BTBD10: variants seen among roughly 807,000 people sequenced by gnomAD.
BTBD10 encodes BTB domain containing 10.
Under a neutral mutation model 53.2 loss-of-function variants are expected in BTBD10, and 21 were observed. The ratio of observed to expected loss-of-function variants is 0.39; its 90% CI spans 0.28 to 0.57. The LOEUF is 0.57. Ranked by LOEUF, BTBD10 falls within the 20% of genes least tolerant of loss-of-function variation. BTBD10 has a pLI of 0.53. For synonymous variants in BTBD10, 149 were observed against 192.7 expected, an observed-to-expected ratio of 0.77 and a Z score of 1.88; for missense variants, 360 against 594.7, an observed-to-expected ratio of 0.61 and a Z score of 4.10.
In BTBD10 at chr11:13,421,806, T is replaced by G; in HGVS notation, c.134A>C (p.Asp45Ala). ...ACCATGTAGACTCATTTTGGTGTGG[T>G]CAACTCCTCCTTTAGCAATACGCGA... Reference protein sequence around the residue: ...TSSRIAKGGVDHTKMSLHGAS... With the variant: ...TSSRIAKGGVAHTKMSLHGAS... The change falls in exon 3 of 9, where the codon GAC becomes GCC. Residue 45 changes from aspartate (D) to alanine (A), a missense_variant. Asp to Ala is a moderately radical substitution (Grantham distance 126). Around this residue, in one of 6 missense-constraint regions of BTBD10, gnomAD observed 81 missense variants for 82.6 expected, o/e 0.98. Transcript: ENST00000278174. 1.2e-6 allele frequency: 2 copies of G among 1,613,552 alleles called. No homozygotes were observed. The highest frequency in any genetic ancestry group is 3.3e-5 in the Admixed American group (2 of 59,972).
chr11:13,436,047 C>T (rs1293282823), intron 2 of BTBD10, among the ~76,000 whole-genome samples: 1 of 152,138 alleles, frequency 6.6e-6, no homozygotes, highest in African/African-American at 2.4e-5. Flanking sequence ...AAACACAGAA[C>T]CTAAGTTTAG....
intron 6 of BTBD10, among the ~76,000 whole-genome samples, chr11:13,406,376 T>C (rs988759670): frequency 1.3e-5 from 2 of 152,150 alleles, no homozygotes; most frequent in Non-Finnish European, 2.9e-5. Context: ...ACAGACATAA[T>C]GAACAACTTC....
chr11:13,461,183 A>G (rs1187467073), intron 1 of BTBD10, among the ~76,000 whole-genome samples: 1 of 152,206 alleles, frequency 6.6e-6, no homozygotes, highest in African/African-American at 2.4e-5. Flanking sequence ...ATTTTGATTT[A>G]TAACAGAGCT....
chr11:13,396,412 G>GT (rs1949552926), intron 8 of BTBD10, among the ~76,000 whole-genome samples: 1 of 152,336 alleles, frequency 6.6e-6, no homozygotes, highest in South Asian at 2.1e-4. Flanking sequence ...CTTTGCTGAA[G>GT]TTGCTTATCA....
At chr11:13,436,944 A>C (rs187107640) in intron 2 of BTBD10, among the ~76,000 whole-genome samples, 1 of 152,028 alleles carries the variant, frequency 6.6e-6, no homozygotes, top group Non-Finnish European at 1.5e-5. Context: ...CAACATGCCC[A>C]GCTAATTTTT....
chr11:13,452,672 C>T (rs979503719), intron 1 of BTBD10, among the ~76,000 whole-genome samples: 5 of 152,076 alleles, frequency 3.3e-5, no homozygotes, highest in Admixed American at 3.3e-4. Flanking sequence ...TCTACTTCTG[C>T]CACAACAGTG....
At chr11:13,405,487 TCTGCCA>T (rs1949804605) in intron 7 of BTBD10, 166 bp downstream of exon 7, 2 of 646,902 alleles carry the variant, frequency 3.1e-6, no homozygotes, top group East Asian at 2.8e-5. Context: ...ACTACTCAAC[TCTGCCA>T]CTGTAGCATG....
rs542718949 is a variant in BTBD10 at position 13,458,625 on chromosome 11, T to C, written c.-58+4467A>G. 2.0e-5 allele frequency among the ~76,000 whole-genome samples: 3 copies of C among 152,270 alleles called. No homozygotes were observed. In the South Asian group the frequency reaches 6.2e-4, roughly 32 times the overall value. ...TAGTTTTCTCTTCCAAAAATTGGAG[T>C]ATTAATGGTTTTAAAGTTACTTTCA... is the stretch of plus-strand genomic sequence containing the variant. On this transcript the variant is annotated intron_variant, in intron 1 of 8. Coordinates refer to ENST00000278174, the MANE Select transcript of BTBD10 (RefSeq NM_032320.7).
intron 2 of BTBD10, chr11:13,440,311 A>G: frequency 3.5e-6 from 4 of 1,132,072 alleles, no homozygotes; most frequent in Non-Finnish European, 4.4e-6. Context: ...TCCATCTCTG[A>G]GCAGTGATTG....
intron 2 of BTBD10, chr11:13,440,370 T>C (rs1950623373): frequency 1.0e-6 from 1 of 984,548 alleles, no homozygotes; most frequent in Non-Finnish European, 1.2e-6. Context: ...AGTTGAGGGC[T>C]TAGAGATATG....
At chr11:13,446,954 T>C (rs956650058) in intron 1 of BTBD10, among the ~76,000 whole-genome samples, 1 of 151,930 alleles carries the variant, frequency 6.6e-6, no homozygotes, top group Non-Finnish European at 1.5e-5. Context: ...AGAAAAAAAG[T>C]AGTCACCAAA....
At chr11:13,392,973 A>T (rs772788992) in intron 8 of BTBD10, among the ~76,000 whole-genome samples, 3 of 152,184 alleles carry the variant, frequency 2.0e-5, no homozygotes, top group Non-Finnish European at 4.4e-5. Flanking sequence ...CAGTAGTCCT[A>T]AACTGCCTTA....
intron 1 of BTBD10, among the ~76,000 whole-genome samples, chr11:13,454,361 C>G (rs898837025): frequency 1.3e-5 from 2 of 152,140 alleles, no homozygotes; most frequent in Non-Finnish European, 2.9e-5. Context: ...ATTTTTCAAG[C>G]TATTACCAAA....
At chr11:13,392,835 T>C (rs921253979) in intron 8 of BTBD10, among the ~76,000 whole-genome samples, 1 of 152,186 alleles carries the variant, frequency 6.6e-6, no homozygotes, top group Admixed American at 6.5e-5. Flanking sequence ...TTTGTTGTCT[T>C]AAACTTCAGG....
intron 1 of BTBD10, among the ~76,000 whole-genome samples, chr11:13,446,005 A>C (rs1950743664): frequency 1.3e-5 from 2 of 152,204 alleles, no homozygotes; most frequent in African/African-American, 2.4e-5. Context: ...CAATGCTGCT[A>C]AATGGTATTA....
At chr11:13,416,404 T>C (rs946050731) in intron 5 of BTBD10, among the ~76,000 whole-genome samples, 1 of 151,810 alleles carries the variant, frequency 6.6e-6, no homozygotes, top group Non-Finnish European at 1.5e-5. Context: ...AAACTAAAGA[T>C]GTTAACAAAT....
At chr11:13,459,097 C>T (rs1951035827) in intron 1 of BTBD10, among the ~76,000 whole-genome samples, 3 of 148,864 alleles carry the variant, frequency 2.0e-5, no homozygotes, top group African/African-American at 7.4e-5. Context: ...CGCTCTGTCG[C>T]CCAGGCTGGA....
At chr11:13,426,301 A>T (rs1460194074) in intron 2 of BTBD10, among the ~76,000 whole-genome samples, 1 of 152,144 alleles carries the variant, frequency 6.6e-6, no homozygotes, top group Non-Finnish European at 1.5e-5. Context: ...GAAAGTACAG[A>T]CATTTTCAGG....
At chr11:13,407,341 G>T (rs1361473172) in intron 6 of BTBD10, among the ~76,000 whole-genome samples, 1 of 152,060 alleles carries the variant, frequency 6.6e-6, no homozygotes, top group Non-Finnish European at 1.5e-5. Context: ...ATATTCAGCT[G>T]CTTTCTGGAA....
Sources: gnomAD v4.1 joint callset for allele counts (sites outside exome capture counted in the v4.1 genomes callset) on GRCh38, gnomAD v4.1.1 for gene constraint, gnomAD v4.1.1 regional missense constraint, MANE v1.5 for transcripts, NCBI Gene and HGNC (gene_info 2026-07-23, HGNC 2026-07-21) for gene names.